The following PDIA5 variants were observed in gnomAD, a reference collection of about 807,000 sequenced individuals.
PDIA5 encodes the protein protein disulfide-isomerase A5.
Under a neutral mutation model 77.6 loss-of-function variants are expected in PDIA5, and 58 were observed. The ratio of observed to expected loss-of-function variants is 0.75; its 90% CI spans 0.61 to 0.93. The LOEUF is 0.93. Ranked by LOEUF, PDIA5 falls within the 40% of genes least tolerant of loss-of-function variation. PDIA5 has a pLI of 0.00. For synonymous variants in PDIA5, 250 were observed against 252.1 expected (o/e 0.99, Z 0.08); for missense variants, 630 against 647.7 (o/e 0.97, Z 0.30).
At chr3:123,160,684 C>T (rs756452481) in intron 15 of PDIA5, among the ~76,000 whole-genome samples, 3 of 152,228 alleles carry the variant, frequency 2.0e-5, no homozygotes, top group Non-Finnish European at 4.4e-5. Context: ...ACTGTAATAG[C>T]AGCTGACATT....
chr3:123,161,093 G>T (rs1431954454), intron 15 of PDIA5, among the ~76,000 whole-genome samples: 8 of 152,116 alleles, frequency 5.3e-5, no homozygotes, highest in African/African-American at 1.9e-4. Context: ...CAGTCTAAAG[G>T]CACTCCAGGC....
intron 14 of PDIA5, among the ~76,000 whole-genome samples, chr3:123,151,915 GCCTTCCTTCCTT>G (rs1197876949): frequency 1.3e-4 from 16 of 126,924 alleles, no homozygotes; most frequent in African/African-American, 4.4e-4. Flanking sequence ...CTTCCTTCCT[GCCTTCCTTCCTT>G]CCTGCCTTCC....
intron 2 of PDIA5, 115 bp downstream of exon 2, chr3:123,089,409 C>A: frequency 2.0e-6 from 2 of 989,358 alleles, no homozygotes; most frequent in South Asian, 1.7e-5. Flanking sequence ...GTCCAAGGGA[C>A]ATGGGGTTTG....
At chr3:123,102,903 C>A in intron 5 of PDIA5, 107 bp downstream of exon 5, 1 of 745,474 alleles carries the variant, frequency 1.3e-6, no homozygotes, top group Non-Finnish European at 2.5e-6. Context: ...ACAAATAGCT[C>A]TTCTAAATGA....
intron 1 of PDIA5, among the ~76,000 whole-genome samples, chr3:123,084,549 G>T (rs896722206): frequency 4.6e-5 from 7 of 151,950 alleles, no homozygotes; most frequent in African/African-American, 1.5e-4. Flanking sequence ...TTACTTGGTG[G>T]CTCACCTTGC....
rs917378177 is a variant in PDIA5, at chr3:123,089,696, G to A, written c.169+402G>A. Among the ~76,000 whole-genome samples, 6 of 152,250 alleles carry A rather than the reference G, an allele frequency of 3.9e-5. No homozygotes were observed. In the East Asian group the frequency reaches 9.6e-4, roughly 24 times the overall value. ...GAGCTGTTGATTAACTGGCCAGGCCGGCCTGTTGCCAGCTGAATGGGTCCC... is the reference window on the plus strand; with the variant it reads ...GAGCTGTTGATTAACTGGCCAGGCCAGCCTGTTGCCAGCTGAATGGGTCCC... On this transcript the variant is annotated intron_variant, in intron 2 of 16. Coordinates refer to ENST00000316218, the MANE Select transcript of PDIA5 (RefSeq NM_006810.4).
intron 1 of PDIA5, among the ~76,000 whole-genome samples, chr3:123,084,838 C>G (rs1934093731): frequency 1.3e-5 from 2 of 152,204 alleles, no homozygotes; most frequent in Admixed American, 1.3e-4. Flanking sequence ...CGGGCAGCCA[C>G]CCAGCAGGGC....
rs148629858 is a variant in PDIA5 at position 123,106,834 on chromosome 3, G to C, written c.473G>C (p.Ser158Thr). 1.2e-6 allele frequency: 2 copies of C among 1,604,264 alleles called. No individual in the cohort carries two copies. The highest frequency in any genetic ancestry group is 3.3e-5 in the Admixed American group (2 of 59,974). ...PGAKDVVHLD[S>T]EKDFRRLLKK... ...GCCAAAGATGTTGTCCACCTTGACA[G>C]TGAAAAGGTAATGTATTCCCCGTCA... Residue 158 changes from serine to threonine, a missense_variant, in exon 6 of 17, where the codon AGT becomes ACT. Coordinates refer to ENST00000316218, the MANE Select transcript of PDIA5 (RefSeq NM_006810.4).
At chr3:123,161,604 G>C (rs1358301155) in intron 16 of PDIA5, 149 bp downstream of exon 16, 1 of 848,802 alleles carries the variant, frequency 1.2e-6, no homozygotes, top group African/African-American at 1.7e-5. Flanking sequence ...CCTGGGCCTG[G>C]CTGAGGCTTG....
At chr3:123,119,127 C>T (rs1369658285) in intron 8 of PDIA5, among the ~76,000 whole-genome samples, 1 of 152,040 alleles carries the variant, frequency 6.6e-6, no homozygotes, top group Non-Finnish European at 1.5e-5. Flanking sequence ...TGGCATACAC[C>T]TGTAGTCAAT....
chr3:123,108,052 C>A (rs1008698945), intron 6 of PDIA5, among the ~76,000 whole-genome samples: 2 of 152,204 alleles, frequency 1.3e-5, no homozygotes, highest in African/African-American at 4.8e-5. Flanking sequence ...CTGCCTCAGC[C>A]TCCCAAAGTG....
intron 10 of PDIA5, among the ~76,000 whole-genome samples, chr3:123,129,080 T>C (rs1356827884): frequency 6.6e-6 from 1 of 152,244 alleles, no homozygotes; most frequent in African/African-American, 2.4e-5. Context: ...CTGCAGTGAA[T>C]GCCTTCAGAT....
chr3:123,102,223 A>G (rs919438249), intron 3 of PDIA5, among the ~76,000 whole-genome samples, 188 bp from the exon 4 acceptor site: 2 of 152,118 alleles, frequency 1.3e-5, no homozygotes, highest in Non-Finnish European at 2.9e-5. Context: ...GTCTTTCTTG[A>G]TCAGCCCCTA....
chr3:123,086,825 C>T (rs908983814), intron 1 of PDIA5, among the ~76,000 whole-genome samples: 1 of 152,030 alleles, frequency 6.6e-6, no homozygotes, highest in Non-Finnish European at 1.5e-5. Context: ...AGAAAGGGTG[C>T]GCTGGTGGTA....
intron 3 of PDIA5, among the ~76,000 whole-genome samples, chr3:123,101,681 C>T (rs1934600407): frequency 6.6e-6 from 1 of 152,122 alleles, no homozygotes; most frequent in Non-Finnish European, 1.5e-5. Context: ...AACAGAGATT[C>T]CAAATTGATA....
intron 2 of PDIA5, among the ~76,000 whole-genome samples, chr3:123,091,780 G>GC (rs1934290860): frequency 6.6e-6 from 1 of 152,146 alleles, no homozygotes; most frequent in African/African-American, 2.4e-5. Context: ...GGTGTCTTTG[G>GC]CATTGGCCCA....
At chr3:123,139,795 C>T (rs1172164508) in intron 11 of PDIA5, among the ~76,000 whole-genome samples, 1 of 152,174 alleles carries the variant, frequency 6.6e-6, no homozygotes, top group Non-Finnish European at 1.5e-5. Context: ...AACAACCTAA[C>T]AAGTCATGAG....
intron 1 of PDIA5, among the ~76,000 whole-genome samples, chr3:123,071,332 G>T (rs912789577): frequency 1.3e-5 from 2 of 152,100 alleles, no homozygotes; most frequent in Non-Finnish European, 2.9e-5. Flanking sequence ...TCCATCTCCC[G>T]CCTGCTTCTC....
chr3:123,075,659 A>C (rs757308356), intron 1 of PDIA5, among the ~76,000 whole-genome samples: 48 of 152,024 alleles, frequency 3.2e-4, no homozygotes, highest in Admixed American at 1.3e-3. Flanking sequence ...TCTGGCTGTG[A>C]GTGGAGAGGG....
Sources: gnomAD v4.1 joint callset for allele counts (sites outside exome capture counted in the v4.1 genomes callset) on GRCh38, gnomAD v4.1.1 for gene constraint, MANE v1.5 for transcripts, NCBI Gene and HGNC (gene_info 2026-07-23, HGNC 2026-07-21) for gene names.